GRM1: variants seen among roughly 807,000 people sequenced by gnomAD.
The protein encoded by GRM1 is glutamate metabotropic receptor 1.
In GRM1, 33 loss-of-function variants were observed where a neutral mutation model predicts 90.9. That is an observed-to-expected ratio of 0.36 (90% CI 0.28 to 0.49). GRM1 has a LOEUF of 0.49. Ranked by LOEUF, GRM1 falls within the 20% of genes least tolerant of loss-of-function variation. The pLI, the probability that GRM1 is intolerant of heterozygous loss-of-function variation, is 0.99. For missense variants in GRM1, 1,190 were observed against 1,534.3 expected (o/e 0.78, Z 3.75); for synonymous variants, 700 against 613.2 (o/e 1.14, Z -2.09).
At position 146,357,775 on chromosome 6, in the gene GRM1, T is replaced by A. The variant is rs957663689; in HGVS notation, c.1602+81T>A. 6.6e-5 allele frequency: 73 copies of A among 1,113,764 alleles called. 1 individual carries two copies. Among genetic ancestry groups the A allele is most frequent in the Non-Finnish European group, 9.4e-5 (69 of 737,438 alleles). The allele number at this position is 1,113,764 out of a possible 1,614,324, so 69.0% of individuals were successfully genotyped here. A position where few individuals can be genotyped will look rare whatever the true frequency, so the allele number is the denominator to read the frequency against. On this transcript the variant is annotated intron_variant, in intron 5 of 7. Transcript: ENST00000282753. ...ATTAGTAAAGAACAACACAGACAATTTTAAAAACATAACTGTCTAGAAAGG... is the reference window on the plus strand; with the variant it reads ...ATTAGTAAAGAACAACACAGACAATATTAAAAACATAACTGTCTAGAAAGG...
At chr6:146,163,332 A>G (rs1583095981) in intron 2 of GRM1, among the ~76,000 whole-genome samples, 2 of 151,164 alleles carry the variant, frequency 1.3e-5, no homozygotes, top group Non-Finnish European at 2.9e-5. Flanking sequence ...TATGCTCACT[A>G]TAATAATAAT....
intron 1 of GRM1, among the ~76,000 whole-genome samples, chr6:146,098,786 A>G (rs1487496604): frequency 2.0e-5 from 3 of 151,984 alleles, no homozygotes. Context: ...ATGGTTTTAT[A>G]AGAGGCTTTT....
At chr6:146,297,155 G>A (rs1304983534) in intron 2 of GRM1, among the ~76,000 whole-genome samples, 1 of 151,794 alleles carries the variant, frequency 6.6e-6, no homozygotes, top group South Asian at 2.1e-4. Flanking sequence ...ATTGTGAAAC[G>A]TGTAAACAAT....
At chr6:146,360,662 A>G (rs765472032) in intron 5 of GRM1, among the ~76,000 whole-genome samples, 1 of 152,132 alleles carries the variant, frequency 6.6e-6, no homozygotes, top group Non-Finnish European at 1.5e-5. Context: ...TCTGCCTCCC[A>G]TTAGTTGCTC....
chr6:146,341,440 C>T (rs2115016790), intron 3 of GRM1, among the ~76,000 whole-genome samples: 1 of 152,190 alleles, frequency 6.6e-6, no homozygotes, highest in South Asian at 2.1e-4. Context: ...ATACTTTTGG[C>T]ATAAAAATGA....
chr6:146,435,252 TGGA>T lies in GRM1; in HGVS notation c.*458_*460del. The stretch of plus-strand genomic sequence containing the variant: ...CCTGATGGCATTCGGAGTGAGCTGG[TGGA>T]GCCAGACAGAGCAGGTGCGGGGAAG... On this transcript the variant is annotated 3_prime_UTR_variant, in exon 8 of 8. Transcript: ENST00000282753. The T allele has an allele frequency of 6.4e-6, 2 of 311,786 alleles. No homozygotes were observed. The highest frequency in any genetic ancestry group is 1.2e-5 in the Non-Finnish European group (2 of 162,304). The allele number at this position is 311,786 out of a possible 1,614,324, so 19.3% of individuals were successfully genotyped here.
intron 2 of GRM1, among the ~76,000 whole-genome samples, chr6:146,223,831 T>G (rs1780150793): frequency 6.6e-6 from 1 of 152,140 alleles, no homozygotes; most frequent in Non-Finnish European, 1.5e-5. Context: ...ATAGATGTTG[T>G]ACCCATTATA....
intron 2 of GRM1, among the ~76,000 whole-genome samples, chr6:146,290,129 A>C (rs1278623282): frequency 6.6e-6 from 1 of 151,894 alleles, no homozygotes; most frequent in Non-Finnish European, 1.5e-5. Flanking sequence ...GTGGCTGGAC[A>C]ACCTTTTGTT....
At chr6:146,407,878 C>T (rs1282325604) in intron 7 of GRM1, among the ~76,000 whole-genome samples, 1 of 152,162 alleles carries the variant, frequency 6.6e-6, no homozygotes, top group African/African-American at 2.4e-5. Flanking sequence ...CACGTGGTTA[C>T]AATCTCATTG....
rs183831138 is a variant in GRM1, at chr6:146,318,403, T to C, written c.1186+13557T>C. ...CACATTTTCTTTATCCAGTCTATCA[T>C]TGATGGGCATTTGGGTTGGTTCCGA... is the stretch of plus-strand genomic sequence containing the variant. On this transcript the variant is annotated intron_variant, in intron 3 of 7. Coordinates refer to ENST00000282753, the MANE Select transcript of GRM1 (RefSeq NM_001278064.2). 7.2e-5 allele frequency among the ~76,000 whole-genome samples: 11 copies of C among 152,360 alleles called. No individual in the cohort carries two copies. The East Asian group carries it at 2.1e-3, about 29-fold the overall frequency.
intron 2 of GRM1, among the ~76,000 whole-genome samples, chr6:146,300,339 A>G (rs1406334255): frequency 3.9e-5 from 6 of 152,236 alleles, no homozygotes; most frequent in Non-Finnish European, 8.8e-5. Flanking sequence ...ATGCAAAAGT[A>G]ACATTCATAC....
At chr6:146,136,113 C>T (rs1009277911) in intron 1 of GRM1, among the ~76,000 whole-genome samples, 3 of 152,168 alleles carry the variant, frequency 2.0e-5, no homozygotes, top group African/African-American at 7.2e-5. Context: ...GAGAATATAT[C>T]ATTCTTGTTA....
chr6:146,299,925 C>A (rs1241801740), intron 2 of GRM1, among the ~76,000 whole-genome samples: 1 of 152,158 alleles, frequency 6.6e-6, no homozygotes, highest in Non-Finnish European at 1.5e-5. Flanking sequence ...GTGTTCACCT[C>A]ATTTCTTGCT....
At chr6:146,302,048 C>A (rs1009085) in intron 2 of GRM1, among the ~76,000 whole-genome samples, 17,395 of 149,834 alleles carry the variant, frequency 0.12, 1,977 homozygotes, top group African/African-American at 0.31. Flanking sequence ...TATGCACCCA[C>A]CCCCATCGCA....
chr6:146,031,420 G>A (rs139152012), intron 1 of GRM1, among the ~76,000 whole-genome samples: 11 of 152,164 alleles, frequency 7.2e-5, no homozygotes, highest in South Asian at 4.1e-4. Context: ...AGTTACTGGC[G>A]TGAGGTCTGA....
intron 2 of GRM1, among the ~76,000 whole-genome samples, chr6:146,298,822 T>C (rs1783273585): frequency 6.6e-6 from 1 of 152,228 alleles, no homozygotes; most frequent in Admixed American, 6.5e-5. Context: ...TGGGACCGTC[T>C]TCTCGTAGAA....
intron 2 of GRM1, among the ~76,000 whole-genome samples, chr6:146,215,758 C>CTTT (rs35104475): frequency 7.1e-6 from 1 of 140,446 alleles, no homozygotes. Flanking sequence ...TATCCACAAA[C>CTTT]TTTTTTTTTT....
intron 2 of GRM1, among the ~76,000 whole-genome samples, chr6:146,208,756 T>C (rs1779578701): frequency 6.6e-6 from 1 of 152,152 alleles, no homozygotes; most frequent in African/African-American, 2.4e-5. Context: ...TTACTGGCAG[T>C]ATTTTGTCAA....
intron 1 of GRM1, among the ~76,000 whole-genome samples, chr6:146,073,207 A>T (rs1776072809): frequency 6.6e-6 from 1 of 152,166 alleles, no homozygotes; most frequent in Admixed American, 6.6e-5. Context: ...GAAATGATGG[A>T]TCTGTAGGGA....
Sources: allele counts gnomAD v4.1 joint callset (sites outside exome capture counted in the v4.1 genomes callset), GRCh38; gene constraint gnomAD v4.1.1; transcripts MANE v1.5; gene names NCBI Gene and HGNC (gene_info 2026-07-23, HGNC 2026-07-21).